Variants in LRRC4C observed in about 807,000 individuals in gnomAD.
LRRC4C encodes leucine rich repeat containing 4C.
Under a neutral mutation model 33.6 loss-of-function variants are expected in LRRC4C, and 5 were observed. The ratio of observed to expected loss-of-function variants is 0.15; its 90% confidence interval spans 0.08 to 0.31. LRRC4C has a LOEUF of 0.31. LRRC4C is among the 10% of genes least tolerant of loss of function. The pLI is 1.00. For synonymous variants in LRRC4C, 329 were observed against 302.0 expected (o/e 1.09, Z -0.93); for missense variants, 560 against 796.7 (o/e 0.70, Z 3.58).
At chr11:41,404,349 C>T (rs747982752) in intron 1 of LRRC4C, among the ~76,000 whole-genome samples, 16 of 151,984 alleles carry the variant, frequency 1.1e-4, no homozygotes, top group East Asian at 3.9e-4. Flanking sequence ...AAATGGTTAA[C>T]GAAACCATGT....
At chr11:40,718,040 T>C (rs1186145078) in intron 2 of LRRC4C, among the ~76,000 whole-genome samples, 1 of 152,208 alleles carries the variant, frequency 6.6e-6, no homozygotes, top group Non-Finnish European at 1.5e-5. Context: ...TCAGATTAGA[T>C]AAAAGAGGAT....
intron 3 of LRRC4C, among the ~76,000 whole-genome samples, chr11:40,643,619 AC>A (rs549880375): frequency 4.7e-4 from 70 of 148,592 alleles, no homozygotes; most frequent in African/African-American, 1.5e-3. Flanking sequence ...CCAATACCCA[AC>A]CCCCCTGCCG....
At chr11:40,518,152 A>C (rs1477402305) in intron 3 of LRRC4C, among the ~76,000 whole-genome samples, 1 of 152,204 alleles carries the variant, frequency 6.6e-6, no homozygotes, top group Non-Finnish European at 1.5e-5. Flanking sequence ...TAAACCATAA[A>C]AATCCTAGAA....
chr11:40,952,904 T>A (rs1256004364), intron 1 of LRRC4C, among the ~76,000 whole-genome samples: 1,676 of 140,104 alleles, frequency 0.012, 14 homozygotes, highest in African/African-American at 0.038. Flanking sequence ...ACACTCTCTC[T>A]CTCTCTCTCT....
intron 4 of LRRC4C, among the ~76,000 whole-genome samples, chr11:40,300,981 C>CTGTG (rs1944747473): frequency 6.6e-6 from 1 of 152,134 alleles, no homozygotes; most frequent in South Asian, 2.1e-4. Context: ...GGTTTCTGAT[C>CTGTG]TGTGATTGGT....
At chr11:41,163,284 G>GTTTTTTTTCTTTT (rs1944557446) in intron 1 of LRRC4C, among the ~76,000 whole-genome samples, 1 of 73,382 alleles carries the variant, frequency 1.4e-5, no homozygotes, top group African/African-American at 5.0e-5. Context: ...TACTGTAACT[G>GTTTTTTTTCTTTT]TTTTTTTTTT....
At chr11:41,134,911 A>C (rs558165864) in intron 1 of LRRC4C, among the ~76,000 whole-genome samples, 1 of 152,276 alleles carries the variant, frequency 6.6e-6, no homozygotes, top group East Asian at 1.9e-4. Flanking sequence ...AACACCATGA[A>C]CACCCCAAGC....
At chr11:40,998,806 A>T (rs1293926934) in intron 1 of LRRC4C, among the ~76,000 whole-genome samples, 1 of 152,166 alleles carries the variant, frequency 6.6e-6, no homozygotes. Context: ...TAGCAGCCAC[A>T]TATAATGTAC....
At chr11:40,574,802 A>G (rs1486611596) in intron 3 of LRRC4C, among the ~76,000 whole-genome samples, 2 of 152,096 alleles carry the variant, frequency 1.3e-5, no homozygotes, top group Non-Finnish European at 2.9e-5. Flanking sequence ...TTATTCATTC[A>G]ATTTCTTTCC....
intron 4 of LRRC4C, chr11:40,293,433 C>T (rs992980648): frequency 6.6e-6 from 1 of 152,108 alleles, no homozygotes; most frequent in Non-Finnish European, 1.5e-5. Flanking sequence ...GGATGCGGTC[C>T]CTCGCCGGTG....
rs185816756 is a variant in LRRC4C at position 40,362,927 on chromosome 11, A to G, written c.-269-43206T>C. 6.4e-4 allele frequency among the ~76,000 whole-genome samples: 98 copies of G among 152,316 alleles called. 3 individuals carry two copies. In the East Asian group the frequency reaches 0.015, roughly 23 times the overall value. ...AGCCAAAAAATAACAGATGCTGTCAAGGTTGTAAAGAAAAGGGAACACTTA... is the reference window on the plus strand; with the variant it reads ...AGCCAAAAAATAACAGATGCTGTCAGGGTTGTAAAGAAAAGGGAACACTTA... On this transcript the variant is annotated intron_variant, in intron 3 of 6. Transcript: ENST00000528697.
intron 3 of LRRC4C, among the ~76,000 whole-genome samples, chr11:40,559,748 C>G (rs1266418541): frequency 3.3e-5 from 5 of 152,122 alleles, no homozygotes; most frequent in Admixed American, 3.3e-4. Flanking sequence ...AATGGTATGA[C>G]TACCTCGTAC....
chr11:40,808,187 C>T (rs12290011), intron 2 of LRRC4C, among the ~76,000 whole-genome samples: 27,070 of 151,796 alleles, frequency 0.18, 2,686 homozygotes, highest in African/African-American at 0.27. Flanking sequence ...TATATATAAT[C>T]TGATATTTTA....
At chr11:41,159,361 G>T (rs550305335) in intron 1 of LRRC4C, among the ~76,000 whole-genome samples, 1 of 152,140 alleles carries the variant, frequency 6.6e-6, no homozygotes, top group African/African-American at 2.4e-5. Flanking sequence ...TGGATGACAA[G>T]ATGGACAATG....
chr11:40,468,480 A>C (rs543583182), intron 3 of LRRC4C, among the ~76,000 whole-genome samples: 1 of 152,244 alleles, frequency 6.6e-6, no homozygotes, highest in African/African-American at 2.4e-5. Context: ...TGTTAATCTC[A>C]TCTAGAAAAT....
intron 1 of LRRC4C, among the ~76,000 whole-genome samples, chr11:40,984,710 T>C (rs1449378587): frequency 1.3e-5 from 2 of 152,034 alleles, no homozygotes; most frequent in Non-Finnish European, 2.9e-5. Context: ...GCTATGTCTG[T>C]ATAAATTGGA....
chr11:41,162,723 C>T (rs929446879), intron 1 of LRRC4C, among the ~76,000 whole-genome samples: 1 of 152,164 alleles, frequency 6.6e-6, no homozygotes, highest in Non-Finnish European at 1.5e-5. Flanking sequence ...GTATCAGGCA[C>T]TTTCCATGAA....
chr11:40,217,387 G>A (rs759325276), intron 5 of LRRC4C, among the ~76,000 whole-genome samples: 2 of 152,076 alleles, frequency 1.3e-5, no homozygotes, highest in East Asian at 1.9e-4. Context: ...TATTTTTCAG[G>A]TATTAGCAAA....
chr11:40,424,636 C>G (rs1221396793), intron 3 of LRRC4C, among the ~76,000 whole-genome samples: 1 of 152,148 alleles, frequency 6.6e-6, no homozygotes, highest in Non-Finnish European at 1.5e-5. Flanking sequence ...GTGTGTTCAC[C>G]TAAGCAATAC....
Sources: gnomAD v4.1 joint callset for allele counts (sites outside exome capture counted in the v4.1 genomes callset) on GRCh38, gnomAD v4.1.1 for gene constraint, MANE v1.5 for transcripts, NCBI Gene and HGNC (gene_info 2026-07-23, HGNC 2026-07-21) for gene names.